The following GPHN variants were observed in gnomAD, a reference collection of about 807,000 sequenced individuals.
The protein encoded by GPHN is gephyrin.
GPHN carries 17 observed loss-of-function variants against 95.5 expected under a neutral mutation model. That is an observed-to-expected ratio of 0.18 (90% CI 0.12 to 0.27). The LOEUF (loss-of-function observed/expected upper bound fraction) is 0.27, where lower values mean the gene tolerates loss of function less well. Among genes scored for constraint, GPHN ranks in the 10% least tolerant of loss-of-function variants. The pLI, the probability that GPHN is intolerant of heterozygous loss-of-function variation, is 1.00. For synonymous variants in GPHN, 320 were observed against 322.5 expected, an observed-to-expected ratio of 0.99 and a Z score of 0.08; for missense variants, 660 against 978.1, an observed-to-expected ratio of 0.67 and a Z score of 4.34.
chr14:67,095,013 T>C lies in GPHN; in HGVS notation c.1238-5843T>C, dbSNP rs148121347. Among the ~76,000 whole-genome samples the C allele has an allele frequency of 3.1e-3, 479 of 152,330 alleles. 1 individual carries two copies. Among genetic ancestry groups the C allele is most frequent in the South Asian group, 7.0e-3 (34 of 4,828 alleles). ...CATCTAGGTTTGTGTTAGTACACTC[T>C]GTGATGATGTTCACACAACAAAATT... is the stretch of plus-strand genomic sequence containing the variant. On this transcript the variant is annotated intron_variant, in intron 12 of 22. Transcript: ENST00000478722.
At chr14:66,824,945 C>A (rs2061338589) in intron 4 of GPHN, among the ~76,000 whole-genome samples, 1 of 152,006 alleles carries the variant, frequency 6.6e-6, no homozygotes, top group African/African-American at 2.4e-5. Context: ...TTTCATTTGT[C>A]TAAAATTACA....
chr14:67,545,059 A>G, the GPHN span, among the ~76,000 whole-genome samples: 2 of 152,202 alleles, frequency 1.3e-5, no homozygotes, highest in Admixed American at 6.5e-5. Context: ...TCAAATAACA[A>G]TGGCTTAAAC....
intron 21 of GPHN, among the ~76,000 whole-genome samples, chr14:67,171,043 T>C (rs1391916924): frequency 6.6e-6 from 1 of 152,148 alleles, no homozygotes; most frequent in Admixed American, 6.6e-5. Flanking sequence ...CCATTCTGTG[T>C]GTCAGTGCAG....
At chr14:67,688,457 T>A in the GPHN span, among the ~76,000 whole-genome samples, 2 of 152,268 alleles carry the variant, frequency 1.3e-5, no homozygotes, top group South Asian at 2.1e-4. Context: ...CATACATATG[T>A]AAATGCATAG....
At chr14:66,763,779 GGACGTGAGCGGCA>G (rs1808150337) in intron 2 of GPHN, among the ~76,000 whole-genome samples, 1 of 152,074 alleles carries the variant, frequency 6.6e-6, no homozygotes, top group African/African-American at 2.4e-5. Flanking sequence ...TCACACAGCA[GGACGTGAGCGGCA>G]GACGTGAGCA....
intron 8 of GPHN, among the ~76,000 whole-genome samples, chr14:66,963,639 G>C (rs1381739110): frequency 1.3e-5 from 2 of 151,970 alleles, no homozygotes; most frequent in African/African-American, 4.8e-5. Flanking sequence ...TTCAAAATTA[G>C]ACTTTATTTC....
At chr14:67,539,098 G>A in the GPHN span, among the ~76,000 whole-genome samples, 1 of 152,148 alleles carries the variant, frequency 6.6e-6, no homozygotes, top group South Asian at 2.1e-4. Context: ...GAACTGAGTT[G>A]CGAGACTCCC....
chr14:67,583,944 A>G, the GPHN span: 1 of 1,612,046 alleles, frequency 6.2e-7, no homozygotes. Flanking sequence ...CCTGGAATGA[A>G]GACACGTCGG....
Position 66,546,534 on chromosome 14 carries a change from C to T in GPHN, c.64+37943C>T, listed in dbSNP as rs1050937572. Among the ~76,000 whole-genome samples the T allele has an allele frequency of 5.3e-5, 8 of 152,154 alleles. No individual in the cohort carries two copies. The East Asian group carries it at 5.8e-4, about 11-fold the overall frequency. ...CTGCAATCCCGGCACCTCGGGAGGC[C>T]GAGGCTGGCCGGATCACTCACGGTT... is the stretch of plus-strand genomic sequence containing the variant. On this transcript the variant is annotated intron_variant, in intron 1 of 22. Coordinates refer to ENST00000478722, the MANE Select transcript of GPHN (RefSeq NM_020806.5).
intron 1 of GPHN, among the ~76,000 whole-genome samples, chr14:66,595,604 C>T (rs773143980): frequency 2.6e-5 from 4 of 152,134 alleles, no homozygotes; most frequent in Non-Finnish European, 4.4e-5. Context: ...CTCCAGGTGC[C>T]GGCACCCTGC....
chr14:66,702,867 A>T (rs905961532), intron 2 of GPHN, among the ~76,000 whole-genome samples: 1 of 152,210 alleles, frequency 6.6e-6, no homozygotes, highest in Non-Finnish European at 1.5e-5. Flanking sequence ...AGCATGTTCT[A>T]ACCCAATGCA....
chr14:66,837,616 A>T (rs976779542), intron 4 of GPHN, among the ~76,000 whole-genome samples: 56 of 59,222 alleles, frequency 9.5e-4, no homozygotes, highest in Middle Eastern at 7.0e-3. Flanking sequence ...AATAAATAAA[A>T]ATAAATAAAT....
chr14:67,200,105 TG>T, the GPHN span: 1 of 1,035,208 alleles, frequency 9.7e-7, no homozygotes, highest in Non-Finnish European at 1.4e-6. Context: ...CCTCCTCCAA[TG>T]GGCATGCCCC....
intron 1 of GPHN, among the ~76,000 whole-genome samples, chr14:66,567,983 G>A (rs1013935987): frequency 2.6e-5 from 4 of 152,156 alleles, no homozygotes; most frequent in Admixed American, 2.6e-4. Flanking sequence ...TACGATGAGT[G>A]ATAGTTAAGA....
chr14:67,599,346 C>T, the GPHN span, among the ~76,000 whole-genome samples: 20 of 152,254 alleles, frequency 1.3e-4, no homozygotes, highest in African/African-American at 4.1e-4. Context: ...GTATGGCAGG[C>T]ATGAATTCTA....
intron 1 of GPHN, among the ~76,000 whole-genome samples, chr14:66,658,878 G>A (rs1282003010): frequency 2.7e-5 from 4 of 150,418 alleles, no homozygotes; most frequent in South Asian, 4.2e-4. Flanking sequence ...CAGTCTTAGA[G>A]GCAGCTTTTT....
Position 67,070,715 on chromosome 14 carries a change from A to AAAAAAAAATATATATATATATATAT in GPHN, c.1144+11930_1144+11931insAAAAAAATATATATATATATATATA. Among the ~76,000 whole-genome samples the AAAAAAAAATATATATATATATATAT allele has an allele frequency of 3.6e-4, 29 of 80,646 alleles. 1 individual carries two copies. The highest frequency in any genetic ancestry group is 3.4e-3 in the African/African-American group (27 of 7,940). 52.9% of individuals were successfully genotyped at this position (80,646 alleles called of 152,430 possible). A position where few individuals can be genotyped will look rare whatever the true frequency, so the allele number is the denominator to read the frequency against. On this transcript the variant is annotated intron_variant, in intron 11 of 22. Transcript: ENST00000478722. ...ATCTCAAAAAAAAAAAAAAAAAAAA[A>AAAAAAAAATATATATATATATATAT]ATATATATATATATCCAATCAGCAT... is the stretch of plus-strand genomic sequence containing the variant.
At chr14:66,524,055 T>C (rs903115947) in intron 1 of GPHN, among the ~76,000 whole-genome samples, 3 of 152,068 alleles carry the variant, frequency 2.0e-5, no homozygotes, top group Non-Finnish European at 4.4e-5. Context: ...GTAAAGTATG[T>C]ATGGAAGACT....
intron 2 of GPHN, among the ~76,000 whole-genome samples, chr14:66,703,785 TAATA>T (rs2068787907): frequency 1.3e-5 from 2 of 152,074 alleles, no homozygotes; most frequent in South Asian, 4.2e-4. Context: ...TCACACATAA[TAATA>T]CTGACCTTAA....
Sources: gnomAD v4.1 joint callset for allele counts (sites outside exome capture counted in the v4.1 genomes callset) on GRCh38, gnomAD v4.1.1 for gene constraint, MANE v1.5 for transcripts, NCBI Gene and HGNC (gene_info 2026-07-23, HGNC 2026-07-21) for gene names.